CDK14: variants seen among roughly 807,000 people sequenced by gnomAD.
CDK14 encodes the protein cyclin-dependent kinase 14.
CDK14 carries 34 observed loss-of-function variants against 60.7 expected under a neutral mutation model. The observed-to-expected ratio is 0.56, with a 90% CI of 0.43 to 0.75. The LOEUF (loss-of-function observed/expected upper bound fraction) is 0.75. Among genes scored for constraint, CDK14 ranks in the 30% least tolerant of loss-of-function variants. The pLI is 0.00. For synonymous variants in CDK14, 197 were observed against 203.7 expected (o/e 0.97, Z 0.28); for missense variants, 482 against 564.1 (o/e 0.85, Z 1.47).
chr7:90,649,849 C>A (rs1800590123), intron 2 of CDK14, among the ~76,000 whole-genome samples: 1 of 152,122 alleles, frequency 6.6e-6, no homozygotes, highest in African/African-American at 2.4e-5. Flanking sequence ...TTTTCTTAAT[C>A]CAGTCTATCA....
At chr7:90,937,487 C>A (rs776525171) in intron 8 of CDK14, among the ~76,000 whole-genome samples, 9 of 152,150 alleles carry the variant, frequency 5.9e-5, no homozygotes, top group Non-Finnish European at 1.3e-4. Context: ...CTATAGCAGT[C>A]AAGTAAACAT....
intron 5 of CDK14, among the ~76,000 whole-genome samples, chr7:90,791,558 G>C (rs192738815): frequency 7.2e-4 from 109 of 152,300 alleles, no homozygotes; most frequent in African/African-American, 2.6e-3. Context: ...TCCCACAACT[G>C]TTGATATGAT....
At chr7:91,140,870 A>G (rs1320554810) in intron 14 of CDK14, among the ~76,000 whole-genome samples, 1 of 152,148 alleles carries the variant, frequency 6.6e-6, no homozygotes, top group Non-Finnish European at 1.5e-5. Context: ...GAGATCTTTT[A>G]TGATAGCCAT....
chr7:90,740,286 GAGAGAA>G (rs755490651), intron 3 of CDK14, among the ~76,000 whole-genome samples: 4 of 150,832 alleles, frequency 2.7e-5, no homozygotes, highest in Non-Finnish European at 4.4e-5. Context: ...GAGAGAGAGA[GAGAGAA>G]AGAAAGAAAG....
chr7:91,117,193 A>G (rs1179190080), intron 13 of CDK14, among the ~76,000 whole-genome samples: 3 of 150,350 alleles, frequency 2.0e-5, no homozygotes, highest in Non-Finnish European at 3.0e-5. Flanking sequence ...TCATTCTTCC[A>G]GTTGATGGAA....
chr7:90,707,681 C>T (rs1171622473), intron 2 of CDK14, among the ~76,000 whole-genome samples: 1 of 152,122 alleles, frequency 6.6e-6, no homozygotes, highest in Non-Finnish European at 1.5e-5. Flanking sequence ...GTGAGTATGG[C>T]TTGGTTATTT....
chr7:91,146,393 GT>G (rs34023314), intron 14 of CDK14, among the ~76,000 whole-genome samples: 1 of 152,116 alleles, frequency 6.6e-6, no homozygotes, highest in Non-Finnish European at 1.5e-5. Context: ...TAGAGTCAGG[GT>G]TTTGCCATGC....
chr7:90,895,214 CATTT>C (rs1422518104), intron 6 of CDK14, among the ~76,000 whole-genome samples: 1 of 152,016 alleles, frequency 6.6e-6, no homozygotes, highest in Non-Finnish European at 1.5e-5. Flanking sequence ...TTTAGAAAAA[CATTT>C]TTTTCCTAGA....
At chr7:90,841,659 T>TACACACACACACACACACAC (rs57434660) in intron 5 of CDK14, among the ~76,000 whole-genome samples, 4,424 of 139,280 alleles carry the variant, frequency 0.032, 107 homozygotes, top group Non-Finnish European at 0.045. Context: ...TATATATATG[T>TACACACACACACACACACAC]ACACACACAC....
At chr7:91,002,940 C>T (rs543109710) in intron 10 of CDK14, among the ~76,000 whole-genome samples, 20 of 152,028 alleles carry the variant, frequency 1.3e-4, no homozygotes, top group Non-Finnish European at 2.1e-4. Flanking sequence ...GGCATGGTGG[C>T]GGGTGCCTGT....
intron 4 of CDK14, among the ~76,000 whole-genome samples, chr7:90,782,572 G>A (rs1805386901): frequency 6.6e-6 from 1 of 152,138 alleles, no homozygotes; most frequent in East Asian, 1.9e-4. Context: ...GTACTTAGAT[G>A]TTCTGTGTCT....
At chr7:90,908,004 T>C (rs1033348377) in intron 7 of CDK14, among the ~76,000 whole-genome samples, 1 of 152,170 alleles carries the variant, frequency 6.6e-6, no homozygotes, top group Non-Finnish European at 1.5e-5. Context: ...GTGAATATTA[T>C]AGAGCCTTTC....
At chr7:91,007,347 G>A (rs892001714) in intron 10 of CDK14, among the ~76,000 whole-genome samples, 2 of 152,170 alleles carry the variant, frequency 1.3e-5, no homozygotes, top group Non-Finnish European at 2.9e-5. Flanking sequence ...ATTATTCCCT[G>A]GAGAACAGTA....
intron 10 of CDK14, among the ~76,000 whole-genome samples, chr7:91,035,020 A>G (rs62468500): frequency 0.033 from 5,019 of 151,940 alleles, 106 homozygotes; most frequent in Middle Eastern, 0.12. Flanking sequence ...TCTGTTAGCC[A>G]TGTGATTGTG....
At chr7:90,736,042 G>A (rs936302407) in intron 3 of CDK14, among the ~76,000 whole-genome samples, 6 of 152,118 alleles carry the variant, frequency 3.9e-5, no homozygotes, top group Non-Finnish European at 5.9e-5. Flanking sequence ...TGTTCCTCCC[G>A]GTACAGTCTC....
At chr7:90,628,290 G>T (rs1027168508) in intron 2 of CDK14, among the ~76,000 whole-genome samples, 1 of 152,096 alleles carries the variant, frequency 6.6e-6, no homozygotes, top group Non-Finnish European at 1.5e-5. Flanking sequence ...TAGCTTGTTT[G>T]CTTTCCTTCC....
intron 12 of CDK14, among the ~76,000 whole-genome samples, chr7:91,086,608 T>C (rs1798648049): frequency 6.6e-6 from 1 of 152,126 alleles, no homozygotes; most frequent in Non-Finnish European, 1.5e-5. Flanking sequence ...ATTTTCTAAA[T>C]AAGCCTTCCA....
chr7:90,961,386 G>A (rs1794600611), intron 9 of CDK14, among the ~76,000 whole-genome samples: 1 of 152,026 alleles, frequency 6.6e-6, no homozygotes, highest in Non-Finnish European at 1.5e-5. Flanking sequence ...AGGAATCCCT[G>A]GATTGAATAC....
At chr7:90,720,932 T>C (rs1802426981) in intron 2 of CDK14, among the ~76,000 whole-genome samples, 1 of 152,150 alleles carries the variant, frequency 6.6e-6, no homozygotes, top group Non-Finnish European at 1.5e-5. Context: ...CACATCTGAG[T>C]CACGGGTTGG....
Sources: allele counts gnomAD v4.1 joint callset (sites outside exome capture counted in the v4.1 genomes callset), GRCh38; gene constraint gnomAD v4.1.1; transcripts MANE v1.5; gene names NCBI Gene and HGNC (gene_info 2026-07-23, HGNC 2026-07-21).